Variants in AP1S3 observed in about 807,000 individuals in gnomAD.
AP1S3 encodes AP-1 complex subunit sigma-3.
Under a neutral mutation model 20.9 loss-of-function variants are expected in AP1S3, and 10 were observed. That is an observed-to-expected ratio of 0.48 (90% confidence interval 0.29 to 0.81). AP1S3 has a LOEUF of 0.81. Among genes scored for constraint, AP1S3 ranks in the 30% least tolerant of loss-of-function variants. The pLI, the probability that AP1S3 is intolerant of heterozygous loss-of-function variation, is 0.08. For missense variants in AP1S3, 154 were observed against 183.8 expected (o/e 0.84, Z 0.94); for synonymous variants, 41 against 61.5 (o/e 0.67, Z 1.56).
intron 1 of AP1S3, among the ~76,000 whole-genome samples, chr2:223,805,242 C>A (rs1438387322): frequency 1.3e-5 from 2 of 152,156 alleles, no homozygotes; most frequent in African/African-American, 4.8e-5. Flanking sequence ...AGTTTGAGAG[C>A]AGCCTGGCCA....
chr2:223,780,032 C>A (rs1468153420), intron 1 of AP1S3, among the ~76,000 whole-genome samples: 1 of 151,808 alleles, frequency 6.6e-6, no homozygotes, highest in Non-Finnish European at 1.5e-5. Context: ...CGACATAAAT[C>A]ATTACAACCC....
intron 1 of AP1S3, among the ~76,000 whole-genome samples, chr2:223,783,941 C>T (rs1237851253): frequency 6.6e-6 from 1 of 152,270 alleles, no homozygotes; most frequent in South Asian, 2.1e-4. Context: ...TCAACCAACC[C>T]GACAGGCCCT....
At chr2:223,770,008 T>G (rs1217704445) in intron 3 of AP1S3, among the ~76,000 whole-genome samples, 1 of 152,132 alleles carries the variant, frequency 6.6e-6, no homozygotes, top group East Asian at 1.9e-4. Context: ...CCTCCCAAAG[T>G]GCTGGGATTA....
intron 1 of AP1S3, among the ~76,000 whole-genome samples, chr2:223,814,137 A>C (rs1393710320): frequency 1.3e-5 from 2 of 152,202 alleles, no homozygotes; most frequent in Non-Finnish European, 2.9e-5. Context: ...TTAACATACC[A>C]GTGGCTTCCG....
At chr2:223,787,734 C>G (rs376659413) in intron 1 of AP1S3, among the ~76,000 whole-genome samples, 1 of 151,456 alleles carries the variant, frequency 6.6e-6, no homozygotes, top group East Asian at 1.9e-4. Context: ...TAAGTGAAAA[C>G]GCACATGCAT....
At chr2:223,816,060 T>C (rs748848880) in intron 1 of AP1S3, among the ~76,000 whole-genome samples, 3 of 152,178 alleles carry the variant, frequency 2.0e-5, no homozygotes, top group Non-Finnish European at 2.9e-5. Context: ...CAGTGAGCCG[T>C]GATCATGCCA....
chr2:223,778,942 G>A (rs531058151), intron 1 of AP1S3, among the ~76,000 whole-genome samples: 130 of 151,802 alleles, frequency 8.6e-4, no homozygotes, highest in African/African-American at 2.8e-3. Context: ...CAGACGATCC[G>A]CCCACCTCAG....
chr2:223,836,892 C>T (rs1485339618), intron 1 of AP1S3, among the ~76,000 whole-genome samples: 15 of 152,202 alleles, frequency 9.9e-5, no homozygotes, highest in African/African-American at 4.8e-5. Context: ...AGGCCTTCTC[C>T]CCTCCGCTTT....
intron 1 of AP1S3, among the ~76,000 whole-genome samples, chr2:223,836,001 C>T (rs972907531): frequency 5.9e-5 from 9 of 152,198 alleles, no homozygotes; most frequent in South Asian, 2.1e-4. Context: ...TTTTGCATCA[C>T]GCTGTATTTA....
intron 1 of AP1S3, among the ~76,000 whole-genome samples, chr2:223,810,900 T>C (rs1393100730): frequency 6.6e-6 from 1 of 152,174 alleles, no homozygotes; most frequent in Non-Finnish European, 1.5e-5. Flanking sequence ...TTTTAAGAAG[T>C]GCATCATCTT....
At position 223,757,301 on chromosome 2, in the gene AP1S3, G is replaced by A. The variant is rs532345222; in HGVS notation, c.*1414C>T. ...CCCAAGTAGCTGGGACTACAGGCAC[G>A]CACCACCACTCCCGGCTAATTTTTG... On this transcript the variant is annotated 3_prime_UTR_variant, in exon 5 of 5. Coordinates refer to ENST00000396654, the MANE Select transcript of AP1S3 (RefSeq NM_001039569.2). The A allele has an allele frequency of 2.0e-4, 31 of 154,190 alleles. No individual in the cohort carries two copies. The highest frequency in any genetic ancestry group is 4.6e-4 in the African/African-American group (19 of 41,568). 9.6% of individuals were successfully genotyped at this position (154,190 alleles called of 1,614,324 possible).
chr2:223,789,835 C>CA (rs35429659), intron 1 of AP1S3, among the ~76,000 whole-genome samples: 18,764 of 120,270 alleles, frequency 0.16, 1,603 homozygotes, highest in East Asian at 0.4. Context: ...AAGACTCTAT[C>CA]AAAAAAAAAA....
intron 1 of AP1S3, among the ~76,000 whole-genome samples, chr2:223,807,873 T>TTTC (rs1283758611): frequency 1.6e-5 from 2 of 123,906 alleles, no homozygotes; most frequent in Non-Finnish European, 3.4e-5. Flanking sequence ...TTTTCTTTTT[T>TTTC]TTTTTTTTTT....
chr2:223,809,997 G>T (rs1026739533), intron 1 of AP1S3, among the ~76,000 whole-genome samples: 3 of 151,966 alleles, frequency 2.0e-5, no homozygotes, highest in Admixed American at 6.6e-5. Context: ...AAAGTGCTGG[G>T]ATTCCAGGTT....
intron 1 of AP1S3, among the ~76,000 whole-genome samples, chr2:223,809,209 C>T (rs76596970): frequency 6.6e-6 from 1 of 152,206 alleles, no homozygotes. Flanking sequence ...ACTCAACATG[C>T]CCCCTCACGA....
At chr2:223,786,849 G>A (rs1474672663) in intron 1 of AP1S3, among the ~76,000 whole-genome samples, 1 of 152,092 alleles carries the variant, frequency 6.6e-6, no homozygotes, top group African/African-American at 2.4e-5. Context: ...AGGCTGCAGT[G>A]AGCTGAGATC....
At chr2:223,791,096 G>A (rs1574705954) in intron 1 of AP1S3, among the ~76,000 whole-genome samples, 1 of 152,068 alleles carries the variant, frequency 6.6e-6, no homozygotes, top group African/African-American at 2.4e-5. Context: ...TCTACCAGAG[G>A]TACAAAGAAG....
chr2:223,798,888 G>A (rs182530380), intron 1 of AP1S3, among the ~76,000 whole-genome samples: 4 of 152,216 alleles, frequency 2.6e-5, no homozygotes, highest in African/African-American at 4.8e-5. Flanking sequence ...CCTGGCCAAC[G>A]TGGTGCAGCC....
chr2:223,777,880 G>A lies in AP1S3; in HGVS notation c.4-11C>T, dbSNP rs1227387644. ...CAATATGAAATGTATCTAGAACAAAGGACACAAAAAACAGAACCTGATCAA... is the reference window on the plus strand; with the variant it reads ...CAATATGAAATGTATCTAGAACAAAAGACACAAAAAACAGAACCTGATCAA... On this transcript the variant is annotated splice_polypyrimidine_tract_variant and intron_variant, in intron 1 of 4. Coordinates refer to ENST00000396654, the MANE Select transcript of AP1S3 (RefSeq NM_001039569.2). The A allele has an allele frequency of 6.2e-7, 1 of 1,602,360 alleles. No homozygotes were observed. The highest frequency in any genetic ancestry group is 1.7e-5 in the Admixed American group (1 of 57,728).
Sources: gnomAD v4.1 joint callset for allele counts (sites outside exome capture counted in the v4.1 genomes callset) on GRCh38, gnomAD v4.1.1 for gene constraint, MANE v1.5 for transcripts, NCBI Gene and HGNC (gene_info 2026-07-23, HGNC 2026-07-21) for gene names.